Variants in MEIS1 observed in about 807,000 individuals in gnomAD.
MEIS1 encodes homeobox protein Meis1.
In MEIS1, 5 loss-of-function variants were observed where a neutral mutation model predicts 50.8. The ratio of observed to expected loss-of-function variants is 0.10; its 90% confidence interval spans 0.05 to 0.21. MEIS1 has a LOEUF of 0.21. Ranked by LOEUF, MEIS1 falls within the 10% of genes least tolerant of loss-of-function variation. MEIS1 has a pLI of 1.00. For synonymous variants in MEIS1, 176 were observed against 179.3 expected (o/e 0.98, Z 0.15); for missense variants, 318 against 517.3 (o/e 0.61, Z 3.74).
intron 7 of MEIS1, among the ~76,000 whole-genome samples, chr2:66,474,113 T>C (rs1355138209): frequency 2.0e-5 from 3 of 152,158 alleles, no homozygotes; most frequent in Admixed American, 1.3e-4. Flanking sequence ...AAATACCTTC[T>C]ATCCTCAGTT....
chr2:66,564,038 T>C (rs1408861461), intron 9 of MEIS1, among the ~76,000 whole-genome samples: 1 of 152,220 alleles, frequency 6.6e-6, no homozygotes, highest in Non-Finnish European at 1.5e-5. Context: ...GTAATTGTAA[T>C]TCAGTAACGT....
At chr2:66,547,805 T>C (rs1033910013) in intron 8 of MEIS1, 138 bp from the exon 9 acceptor site, 10 of 721,234 alleles carry the variant, frequency 1.4e-5, no homozygotes, top group Non-Finnish European at 2.4e-5. Context: ...ATTAATTAGA[T>C]GATGTAGTAT....
chr2:66,498,433 G>A (rs1323605777), intron 7 of MEIS1, among the ~76,000 whole-genome samples: 4 of 152,116 alleles, frequency 2.6e-5, no homozygotes, highest in Non-Finnish European at 4.4e-5. Flanking sequence ...AAGAACCCAA[G>A]AAGCTAAGCT....
chr2:66,481,373 C>T (rs906867286), intron 7 of MEIS1, among the ~76,000 whole-genome samples: 16 of 152,212 alleles, frequency 1.1e-4, no homozygotes, highest in South Asian at 2.1e-4. Context: ...TGATGGATGA[C>T]GTGGCATTTC....
At chr2:66,485,322 T>C (rs566714893) in intron 7 of MEIS1, among the ~76,000 whole-genome samples, 1 of 152,296 alleles carries the variant, frequency 6.6e-6, no homozygotes, top group Non-Finnish European at 1.5e-5. Context: ...TTCTCATTGT[T>C]CACCTCCCAC....
At chr2:66,496,360 A>C (rs555968146) in intron 7 of MEIS1, among the ~76,000 whole-genome samples, 25 of 152,110 alleles carry the variant, frequency 1.6e-4, no homozygotes, top group Middle Eastern at 3.4e-3. Context: ...TCTTTGATAC[A>C]TAAATGGTGA....
intron 9 of MEIS1, chr2:66,562,137 C>T (rs1675234484): frequency 7.7e-6 from 1 of 130,540 alleles, no homozygotes; most frequent in Non-Finnish European, 1.6e-5. Context: ...GAAAATGTTG[C>T]CTGTGAAACT....
At chr2:66,455,754 G>A (rs756890138) in intron 6 of MEIS1, among the ~76,000 whole-genome samples, 7 of 152,096 alleles carry the variant, frequency 4.6e-5, no homozygotes, top group Admixed American at 6.5e-5. Flanking sequence ...CAGGACAGTG[G>A]GCAAAATCTT....
chr2:66,545,492 A>G lies in MEIS1; in HGVS notation c.889-2451A>G, dbSNP rs558538543. Among the ~76,000 whole-genome samples the G allele has an allele frequency of 3.9e-5, 6 of 152,326 alleles. No individual in the cohort carries two copies. In the East Asian group the frequency reaches 1.2e-3, roughly 29 times the overall value. ...ACTCTGGATGACAAAATTGAGGATA[A>G]GAAAAGTTGTCTGTTGTTCAAAGTC... On this transcript the variant is annotated intron_variant, in intron 8 of 12. Coordinates refer to ENST00000272369, the MANE Select transcript of MEIS1 (RefSeq NM_002398.3).
intron 7 of MEIS1, among the ~76,000 whole-genome samples, chr2:66,500,993 G>A (rs1231148835): frequency 1.3e-5 from 2 of 152,130 alleles, no homozygotes; most frequent in African/African-American, 4.8e-5. Context: ...ATATGTGTGT[G>A]TATGTGTGTC....
chr2:66,451,342 A>G (rs928575190), intron 6 of MEIS1, among the ~76,000 whole-genome samples: 2 of 152,094 alleles, frequency 1.3e-5, no homozygotes, highest in Non-Finnish European at 2.9e-5. Context: ...CATCCCATAG[A>G]AACTCTTTAA....
At chr2:66,454,520 C>G (rs1672343574) in intron 6 of MEIS1, among the ~76,000 whole-genome samples, 1 of 152,034 alleles carries the variant, frequency 6.6e-6, no homozygotes, top group Non-Finnish European at 1.5e-5. Context: ...AATACAAATA[C>G]TTCATGCTGA....
At chr2:66,484,096 G>A (rs1309162371) in intron 7 of MEIS1, among the ~76,000 whole-genome samples, 1 of 152,132 alleles carries the variant, frequency 6.6e-6, no homozygotes, top group Non-Finnish European at 1.5e-5. Flanking sequence ...TGTGACAATT[G>A]CAGTTGGTAA....
intron 8 of MEIS1, among the ~76,000 whole-genome samples, chr2:66,529,999 G>A (rs1416741130): frequency 6.6e-6 from 1 of 152,112 alleles, no homozygotes; most frequent in Non-Finnish European, 1.5e-5. Flanking sequence ...GGAGGGTGAT[G>A]GGACTCAGAG....
intron 7 of MEIS1, among the ~76,000 whole-genome samples, chr2:66,486,021 C>A (rs954610419): frequency 1.3e-5 from 2 of 152,110 alleles, no homozygotes; most frequent in Non-Finnish European, 2.9e-5. Context: ...GGATAGATTG[C>A]AAAAATCTTC....
intron 7 of MEIS1, among the ~76,000 whole-genome samples, chr2:66,492,358 A>T (rs1274016724): frequency 1.3e-5 from 2 of 150,770 alleles, no homozygotes; most frequent in Non-Finnish European, 3.0e-5. Context: ...CAGGATTCAA[A>T]CCTCCTTAGC....
chr2:66,541,110 T>C (rs938946092), intron 8 of MEIS1, among the ~76,000 whole-genome samples: 1 of 152,014 alleles, frequency 6.6e-6, no homozygotes, highest in Non-Finnish European at 1.5e-5. Context: ...CAATCTCGGC[T>C]CATTGCAAGC....
intron 9 of MEIS1, among the ~76,000 whole-genome samples, chr2:66,557,594 A>C (rs1675098244): frequency 6.6e-6 from 1 of 152,226 alleles, no homozygotes. Flanking sequence ...CATCCATGTC[A>C]TAGCATGTAT....
In MEIS1 at chr2:66,437,742, C is replaced by T. The variant is rs765836809; in HGVS notation, c.18C>T (p.Asp6=). MAQRY[D]DLPHYGGMDG... ...CTCTCCTGTTTGTCATGCAGTACGA[C>T]GATCTACCCCATTACGGGGGCATGG... Residue 6 remains aspartate, a synonymous_variant, in exon 2 of 13, where the codon GAC becomes GAT. Transcript: ENST00000272369. 3 of 1,613,744 alleles carry T rather than the reference C, an allele frequency of 1.9e-6. No individual in the cohort carries two copies. The highest frequency in any genetic ancestry group is 2.5e-6 in the Non-Finnish European group (3 of 1,179,794).
Sources: gnomAD v4.1 joint callset for allele counts (sites outside exome capture counted in the v4.1 genomes callset) on GRCh38, gnomAD v4.1.1 for gene constraint, MANE v1.5 for transcripts, NCBI Gene and HGNC (gene_info 2026-07-23, HGNC 2026-07-21) for gene names.